Variants in COL11A1 observed in about 807,000 individuals in gnomAD.
COL11A1 encodes collagen alpha-1(XI) chain.
A neutral mutation model predicts 265.2 loss-of-function variants in COL11A1; 74 were observed. The ratio of observed to expected loss-of-function variants is 0.28; its 90% CI spans 0.23 to 0.34. The LOEUF (loss-of-function observed/expected upper bound fraction) is 0.34, where lower values mean the gene tolerates loss of function less well. Among genes scored for constraint, COL11A1 ranks in the 10% least tolerant of loss-of-function variants. The pLI, the probability that COL11A1 is intolerant of heterozygous loss-of-function variation, is 1.00. For missense variants in COL11A1, 2,165 were observed against 2,263.6 expected (o/e 0.96, Z 0.88); for synonymous variants, 816 against 727.6 (o/e 1.12, Z -1.96).
In COL11A1 at chr1:102,890,526, A is replaced by C. The variant is rs74108036; in HGVS notation, c.4303-22T>G. ...GTCCCTAAATAATAACAAAAAAAAA[A>C]CCCCAAAACAAAAACAGAGTAGGTA... On this transcript the variant is annotated intron_variant, in intron 57 of 66. Coordinates refer to ENST00000370096, the MANE Select transcript of COL11A1 (RefSeq NM_001854.4). 3.6e-3 allele frequency: 5,523 copies of C among 1,531,694 alleles called. 158 individuals are homozygous for C. The African/African-American group carries it at 0.07, about 19-fold the overall frequency. The allele number at this position is 1,531,694 out of a possible 1,614,324, so 94.9% of individuals were successfully genotyped here. A position where few individuals can be genotyped will look rare whatever the true frequency, so the allele number is the denominator to read the frequency against.
intron 46 of COL11A1, among the ~76,000 whole-genome samples, chr1:102,929,734 T>C (rs970064310): frequency 5.7e-4 from 87 of 152,068 alleles, no homozygotes; most frequent in Admixed American, 1.2e-3. Flanking sequence ...GCATGGAATG[T>C]TCTTCCATTT....
At chr1:103,025,271 C>T (rs186035686) in intron 7 of COL11A1, among the ~76,000 whole-genome samples, 19 of 152,184 alleles carry the variant, frequency 1.2e-4, no homozygotes, top group Admixed American at 5.9e-4. Context: ...AAAATAATAG[C>T]GGCCAATTCA....
At chr1:102,959,865 T>G (rs1660728778) in intron 41 of COL11A1, among the ~76,000 whole-genome samples, 1 of 152,178 alleles carries the variant, frequency 6.6e-6, no homozygotes, top group Non-Finnish European at 1.5e-5. Context: ...AAAAATAACT[T>G]AAAACAATTT....
chr1:103,092,195 C>G (rs557757292), intron 1 of COL11A1, among the ~76,000 whole-genome samples: 59 of 152,140 alleles, frequency 3.9e-4, no homozygotes, highest in Admixed American at 1.2e-3. Flanking sequence ...ATAGTTGACC[C>G]TTGAACAATA....
intron 6 of COL11A1, 122 bp from the exon 7 acceptor site, chr1:103,025,735 ATGATTCAT>A: frequency 6.3e-7 from 1 of 1,594,588 alleles, no homozygotes; most frequent in Non-Finnish European, 8.6e-7. Context: ...GGTTAAGACT[ATGATTCAT>A]GATCAGAGAT....
rs1667972176 is a variant in COL11A1, at chr1:103,031,260, AAAC to A, written c.652-19_652-17del. On this transcript the variant is annotated splice_polypyrimidine_tract_variant and intron_variant, in intron 4 of 66. Coordinates refer to ENST00000370096, the MANE Select transcript of COL11A1 (RefSeq NM_001854.4). The stretch of plus-strand genomic sequence containing the variant: ...GAATGTCCCCCTGGGAAAAAAAAAA[AAAC>A]AAAAACAAACAGACACAGATTCAGT... 5 of 1,598,434 alleles carry A rather than the reference AAAC, an allele frequency of 3.1e-6. No homozygotes were observed. The highest frequency in any genetic ancestry group is 2.7e-5 in the African/African-American group (2 of 74,450).
chr1:103,055,398 G>T (rs1670168314), intron 4 of COL11A1, among the ~76,000 whole-genome samples: 1 of 152,122 alleles, frequency 6.6e-6, no homozygotes, highest in Non-Finnish European at 1.5e-5. Flanking sequence ...AGTATTTAGA[G>T]AAATAATTAG....
chr1:102,999,026 G>C (rs558006896), intron 24 of COL11A1, among the ~76,000 whole-genome samples: 1 of 145,782 alleles, frequency 6.9e-6, no homozygotes, highest in Non-Finnish European at 1.5e-5. Flanking sequence ...ACAAGAATCA[G>C]ACCTTTTCTT....
At chr1:102,982,273 A>C (rs1012426378) in intron 31 of COL11A1, among the ~76,000 whole-genome samples, 97 of 152,196 alleles carry the variant, frequency 6.4e-4, no homozygotes, top group African/African-American at 2.3e-3. Flanking sequence ...TTCAAAGATT[A>C]TTGATCAGAG....
intron 4 of COL11A1, among the ~76,000 whole-genome samples, chr1:103,038,485 C>CGAGA (rs368574516): frequency 2.4e-4 from 36 of 148,874 alleles, no homozygotes; most frequent in Non-Finnish European, 3.4e-4. Context: ...AGAGAGAGAG[C>CGAGA]GAGAGAGAGA....
intron 35 of COL11A1, 25 bp downstream of exon 35, chr1:102,978,683 T>C (rs1403941149): frequency 1.2e-6 from 2 of 1,611,394 alleles, no homozygotes; most frequent in African/African-American, 2.7e-5. Flanking sequence ...TTTCATTTTA[T>C]ATTATGTGGC....
At chr1:103,024,322 G>C (rs1337641695) in intron 7 of COL11A1, among the ~76,000 whole-genome samples, 1 of 151,998 alleles carries the variant, frequency 6.6e-6, no homozygotes, top group Admixed American at 6.6e-5. Flanking sequence ...TGTAAAGACA[G>C]GATCTTATTG....
chr1:102,909,591 G>A (rs944346742), intron 54 of COL11A1, among the ~76,000 whole-genome samples: 1 of 151,734 alleles, frequency 6.6e-6, no homozygotes, highest in African/African-American at 2.4e-5. Context: ...CATTATAAGA[G>A]ACAAGAATTA....
intron 9 of COL11A1, among the ~76,000 whole-genome samples, chr1:103,019,487 T>C (rs1666823115): frequency 6.6e-6 from 1 of 152,164 alleles, no homozygotes; most frequent in Non-Finnish European, 1.5e-5. Context: ...GACTGATTCA[T>C]TCTGAAAAAA....
Position 103,108,054 on chromosome 1 carries a change from C to T in COL11A1, c.106+19G>A, listed in dbSNP as rs750904069. On this transcript the variant is annotated intron_variant, in intron 1 of 66. Transcript: ENST00000370096. ...GACCGACGGCAATCTCCCACCTCCC[C>T]AAATCCATTTTTTCTTACCTCCTCT... The T allele has an allele frequency of 6.2e-7, 1 of 1,603,500 alleles. No homozygotes were observed. Among genetic ancestry groups the T allele is most frequent in the East Asian group, 2.2e-5 (1 of 44,744 alleles).
intron 31 of COL11A1, among the ~76,000 whole-genome samples, chr1:102,982,695 A>T (rs1663154778): frequency 6.6e-6 from 1 of 152,074 alleles, no homozygotes; most frequent in Non-Finnish European, 1.5e-5. Context: ...ATCCCCTGCT[A>T]CTCAAGGAAG....
chr1:102,924,920 A>T (rs1038048807), intron 46 of COL11A1, among the ~76,000 whole-genome samples: 1 of 152,004 alleles, frequency 6.6e-6, no homozygotes, highest in Admixed American at 6.6e-5. Context: ...AAACATAGTA[A>T]TCGTTTCTAA....
intron 57 of COL11A1, among the ~76,000 whole-genome samples, chr1:102,895,743 G>T (rs1329217868): frequency 6.6e-6 from 1 of 150,780 alleles, no homozygotes; most frequent in Admixed American, 6.7e-5. Flanking sequence ...TTTCTAAACA[G>T]GGAAGGGTCC....
chr1:102,889,338 A>G, intron 59 of COL11A1, 117 bp downstream of exon 59: 3 of 787,260 alleles, frequency 3.8e-6, no homozygotes, highest in Non-Finnish European at 6.7e-6. Context: ...GACTTAAATT[A>G]GAATTAAGAC....
Sources: gnomAD v4.1 joint callset for allele counts (sites outside exome capture counted in the v4.1 genomes callset) on GRCh38, gnomAD v4.1.1 for gene constraint, MANE v1.5 for transcripts, NCBI Gene and HGNC (gene_info 2026-07-23, HGNC 2026-07-21) for gene names.